Variants in CTNNA3 observed in about 807,000 individuals in gnomAD.
CTNNA3 encodes catenin alpha 3.
In CTNNA3, 76 loss-of-function variants were observed where a neutral mutation model predicts 95.7. The ratio of observed to expected loss-of-function variants is 0.79; its 90% CI spans 0.66 to 0.96. CTNNA3 has a LOEUF of 0.96. CTNNA3 is among the 40% of genes least tolerant of loss of function. The pLI, the probability that CTNNA3 is intolerant of heterozygous loss-of-function variation, is 0.00. For missense variants in CTNNA3, 1,191 were observed against 1,089.8 expected (o/e 1.09, Z -1.31); for synonymous variants, 431 against 374.4 (o/e 1.15, Z -1.74).
intron 3 of CTNNA3, among the ~76,000 whole-genome samples, chr10:67,592,465 A>G (rs754119670): frequency 2.6e-5 from 4 of 152,142 alleles, no homozygotes; most frequent in African/African-American, 4.8e-5. Context: ...TCGCCGAACT[A>G]TGGGAGCAAA....
chr10:67,363,086 T>C lies in CTNNA3; in HGVS notation c.580-143216A>G, dbSNP rs561751724. Among the ~76,000 whole-genome samples the C allele has an allele frequency of 3.9e-5, 6 of 152,148 alleles. No individual in the cohort carries two copies. In the East Asian group the frequency reaches 9.7e-4, roughly 24 times the overall value. On this transcript the variant is annotated intron_variant, in intron 5 of 17. Coordinates refer to ENST00000433211, the MANE Select transcript of CTNNA3 (RefSeq NM_013266.4). ...GGTAAAAGATCTCTACAAGGAGATC[T>C]ACAAAACACTGTTTCAAAGAAACCA... is the stretch of plus-strand genomic sequence containing the variant.
At chr10:66,633,501 A>T (rs1290814727) in intron 9 of CTNNA3, among the ~76,000 whole-genome samples, 1 of 152,040 alleles carries the variant, frequency 6.6e-6, no homozygotes, top group Non-Finnish European at 1.5e-5. Context: ...TAACATGGTG[A>T]AACCCCGTCT....
intron 13 of CTNNA3, among the ~76,000 whole-genome samples, chr10:66,182,401 G>T (rs2086094618): frequency 6.6e-6 from 1 of 151,826 alleles, no homozygotes; most frequent in Non-Finnish European, 1.5e-5. Flanking sequence ...GACTACAGGC[G>T]CCCGCCACCA....
intron 11 of CTNNA3, among the ~76,000 whole-genome samples, chr10:66,420,961 T>C (rs1449595924): frequency 6.6e-6 from 1 of 152,136 alleles, no homozygotes; most frequent in Non-Finnish European, 1.5e-5. Context: ...ATTCCTGCAC[T>C]CACATGTTTG....
chr10:66,595,802 A>T (rs190191418), intron 10 of CTNNA3, among the ~76,000 whole-genome samples: 1 of 151,400 alleles, frequency 6.6e-6, no homozygotes, highest in African/African-American at 2.4e-5. Context: ...GTACTTAGCT[A>T]ATTTATTTAT....
At chr10:67,687,110 C>T (rs566220001) in intron 1 of CTNNA3, among the ~76,000 whole-genome samples, 29 of 152,210 alleles carry the variant, frequency 1.9e-4, no homozygotes, top group Non-Finnish European at 3.8e-4. Flanking sequence ...TGGTAACGGA[C>T]CTTGAGGACA....
chr10:67,594,502 AT>A (rs1842878423), intron 3 of CTNNA3, among the ~76,000 whole-genome samples: 1 of 152,006 alleles, frequency 6.6e-6, no homozygotes, highest in Non-Finnish European at 1.5e-5. Flanking sequence ...GTTTCTGGAA[AT>A]TTATCAGTTT....
At chr10:67,357,820 G>A (rs1842867388) in intron 5 of CTNNA3, among the ~76,000 whole-genome samples, 1 of 151,948 alleles carries the variant, frequency 6.6e-6, no homozygotes. Flanking sequence ...AAAAAAAGAA[G>A]AGCCAAAACA....
intron 13 of CTNNA3, among the ~76,000 whole-genome samples, chr10:66,235,813 G>A (rs1017319768): frequency 6.6e-5 from 10 of 152,034 alleles, no homozygotes; most frequent in Non-Finnish European, 1.3e-4. Context: ...CAAGATTTCA[G>A]ATTATGTTTT....
chr10:67,708,380 A>G (rs1277934225), intron 1 of CTNNA3, among the ~76,000 whole-genome samples: 1 of 152,166 alleles, frequency 6.6e-6, no homozygotes, highest in East Asian at 1.9e-4. Flanking sequence ...TCCCTTGAAT[A>G]TATTCATAAA....
chr10:66,637,005 C>T (rs1845359305), intron 9 of CTNNA3, among the ~76,000 whole-genome samples: 1 of 152,018 alleles, frequency 6.6e-6, no homozygotes, highest in Admixed American at 6.5e-5. Context: ...TTTAAAAAGT[C>T]TTAAAGAAAG....
chr10:66,706,385 GC>G (rs922053044), intron 9 of CTNNA3, among the ~76,000 whole-genome samples: 1 of 149,308 alleles, frequency 6.7e-6, no homozygotes, highest in African/African-American at 2.5e-5. Context: ...GGACCATATG[GC>G]CCCACTACTC....
At chr10:67,279,999 A>C (rs886383248) in intron 5 of CTNNA3, among the ~76,000 whole-genome samples, 1 of 150,674 alleles carries the variant, frequency 6.6e-6, no homozygotes, top group Non-Finnish European at 1.5e-5. Context: ...ATAGAAAAAT[A>C]TATTAAATAA....
At chr10:67,097,884 A>G (rs1230177325) in intron 7 of CTNNA3, 2 of 1,099,868 alleles carry the variant, frequency 1.8e-6, no homozygotes, top group South Asian at 1.4e-5. Flanking sequence ...GGACTCTAAA[A>G]ACAAAACAAA....
chr10:66,534,486 A>AGATAGGATTT (rs1841582350), intron 10 of CTNNA3, among the ~76,000 whole-genome samples: 3 of 13,912 alleles, frequency 2.2e-4, no homozygotes, highest in Non-Finnish European at 1.1e-3. Context: ...ATATATATAT[A>AGATAGGATTT]TATATATATA....
rs186855187 is a variant in CTNNA3, at chr10:66,884,246, A to T, written c.1048-108722T>A. 1.1e-4 allele frequency among the ~76,000 whole-genome samples: 16 copies of T among 152,258 alleles called. No individual in the cohort carries two copies. The East Asian group carries it at 2.9e-3, about 28-fold the overall frequency. ...AATTTCATATGAAGTTTAAAGGGGA[A>T]AAAACACCGAAACCATAGCAGGTGG... On this transcript the variant is annotated intron_variant, in intron 7 of 17. Transcript: ENST00000433211.
At chr10:67,404,451 G>A (rs958543860) in intron 5 of CTNNA3, among the ~76,000 whole-genome samples, 1 of 151,712 alleles carries the variant, frequency 6.6e-6, no homozygotes, top group African/African-American at 2.4e-5. Flanking sequence ...GCAGAAGAAA[G>A]AATCTCAGAG....
Position 65,914,443 on chromosome 10 carries a change from G to A in CTNNA3, c.*5887C>T, listed in dbSNP as rs186078148. The A allele has an allele frequency of 5.3e-5, 8 of 152,146 alleles. No homozygotes were observed. The highest frequency in any genetic ancestry group is 3.4e-3 in the Middle Eastern group (1 of 294). The allele number at this position is 152,146 out of a possible 1,614,324, so 9.4% of individuals were successfully genotyped here. Reference sequence around the variant, plus strand: ...GGCAAGAAGAGTCTAGCCTTCAGTCGACTCTAAAAAAGGCCATGTAATTTT... The same window carrying A: ...GGCAAGAAGAGTCTAGCCTTCAGTCAACTCTAAAAAAGGCCATGTAATTTT... On this transcript the variant is annotated 3_prime_UTR_variant, in exon 18 of 18. Coordinates refer to ENST00000433211, the MANE Select transcript of CTNNA3 (RefSeq NM_013266.4).
intron 9 of CTNNA3, among the ~76,000 whole-genome samples, chr10:66,632,355 A>C (rs1271577889): frequency 6.6e-6 from 1 of 151,932 alleles, no homozygotes; most frequent in Non-Finnish European, 1.5e-5. Context: ...AGAGTTTGAG[A>C]CCAGCCTGGC....
Sources: allele counts gnomAD v4.1 joint callset (sites outside exome capture counted in the v4.1 genomes callset), GRCh38; gene constraint gnomAD v4.1.1; transcripts MANE v1.5; gene names NCBI Gene and HGNC (gene_info 2026-07-23, HGNC 2026-07-21).